HSD17B3: variants seen among roughly 807,000 people sequenced by gnomAD.
HSD17B3 encodes hydroxysteroid 17-beta dehydrogenase 3, also known as 17-beta-hydroxysteroid dehydrogenase type 3.
HSD17B3 carries 29 observed loss-of-function variants against 41.1 expected under a neutral mutation model. The ratio of observed to expected loss-of-function variants is 0.71; its 90% CI spans 0.53 to 0.96. The LOEUF (loss-of-function observed/expected upper bound fraction) is 0.96. Among genes scored for constraint, HSD17B3 ranks in the 40% least tolerant of loss-of-function variants. The pLI is 0.00. For synonymous variants in HSD17B3, 126 were observed against 145.6 expected (o/e 0.87, Z 0.97); for missense variants, 323 against 374.6 (o/e 0.86, Z 1.14).
chr9:96,244,182 C>G, intron 9 of HSD17B3, 147 bp downstream of exon 9: 1 of 839,690 alleles, frequency 1.2e-6, no homozygotes. Flanking sequence ...ATCCCCAGCT[C>G]ATCTTCCTGT....
intron 2 of HSD17B3, among the ~76,000 whole-genome samples, chr9:96,268,001 T>G (rs955998251): frequency 2.0e-5 from 3 of 152,182 alleles, no homozygotes; most frequent in African/African-American, 7.2e-5. Context: ...CTCAGCTCAC[T>G]GCAACCTCTG....
chr9:96,292,776 T>A (rs979480015), intron 2 of HSD17B3, among the ~76,000 whole-genome samples: 3 of 152,036 alleles, frequency 2.0e-5, no homozygotes, highest in Non-Finnish European at 4.4e-5. Context: ...AAAGAAAAAA[T>A]TTTGAAAGCC....
intron 2 of HSD17B3, among the ~76,000 whole-genome samples, chr9:96,272,063 CTT>C (rs1307839574): frequency 6.6e-6 from 1 of 151,850 alleles, no homozygotes; most frequent in African/African-American, 2.4e-5. Context: ...CTATTCCTCT[CTT>C]TGAGTTAAAA....
chr9:96,290,302 C>T (rs1235397406), intron 2 of HSD17B3, among the ~76,000 whole-genome samples: 1 of 151,838 alleles, frequency 6.6e-6, no homozygotes, highest in Non-Finnish European at 1.5e-5. Flanking sequence ...TCTGGAAGGG[C>T]GGAGGAGAAG....
chr9:96,298,394 A>T, intron 2 of HSD17B3, 22 bp downstream of exon 2: 1 of 1,603,244 alleles, frequency 6.2e-7, no homozygotes, highest in Non-Finnish European at 8.5e-7. Context: ...GGGAGGAGAA[A>T]GTCCCCAGGA....
chr9:96,258,597 GC>G (rs1316420787), intron 2 of HSD17B3, among the ~76,000 whole-genome samples: 1 of 152,124 alleles, frequency 6.6e-6, no homozygotes, highest in Non-Finnish European at 1.5e-5. Context: ...TGTTAAGGAA[GC>G]CCCTACCATT....
intron 7 of HSD17B3, among the ~76,000 whole-genome samples, 189 bp from the exon 8 acceptor site, chr9:96,245,615 G>T (rs1440651674): frequency 1.3e-5 from 2 of 152,164 alleles, no homozygotes; most frequent in Non-Finnish European, 2.9e-5. Context: ...GCGCCACACA[G>T]AGATGTCTGG....
rs541962354 is a variant in HSD17B3 at position 96,280,818 on chromosome 9, C to G, written c.201+17598G>C. On this transcript the variant is annotated intron_variant, in intron 2 of 10. Transcript: ENST00000375263. ...AGTAAAAAAGCCAGCTAAAACCCAC[C>G]AAAACCAATATGGCGAGGAGAGTGA... 2.6e-5 allele frequency among the ~76,000 whole-genome samples: 4 copies of G among 152,232 alleles called. No individual in the cohort carries two copies. The South Asian group carries it at 8.3e-4, about 32-fold the overall frequency.
At chr9:96,269,923 A>C in intron 2 of HSD17B3, among the ~76,000 whole-genome samples, 1 of 151,802 alleles carries the variant, frequency 6.6e-6, no homozygotes, top group Non-Finnish European at 1.5e-5. Context: ...AAAAAAAAAA[A>C]AAAAAAGCAG....
At chr9:96,248,283 T>TA (rs1836753806) in intron 6 of HSD17B3, among the ~76,000 whole-genome samples, 1 of 152,150 alleles carries the variant, frequency 6.6e-6, no homozygotes, top group Non-Finnish European at 1.5e-5. Flanking sequence ...CAAGAAACCA[T>TA]AAAATACCAG....
At chr9:96,244,532 G>T in intron 8 of HSD17B3, 138 bp from the exon 9 acceptor site, 1 of 792,758 alleles carries the variant, frequency 1.3e-6, no homozygotes. Flanking sequence ...GGGTACGGAG[G>T]GTACGGAGTT....
At chr9:96,252,318 G>A (rs186634803) in intron 4 of HSD17B3, among the ~76,000 whole-genome samples, 15 of 152,238 alleles carry the variant, frequency 9.9e-5, no homozygotes, top group African/African-American at 3.4e-4. Flanking sequence ...GCCGAGGCAG[G>A]TGGATCACGA....
At chr9:96,272,405 C>CTATATATA (rs1199705437) in intron 2 of HSD17B3, among the ~76,000 whole-genome samples, 15 of 21,532 alleles carry the variant, frequency 7.0e-4, no homozygotes, top group Non-Finnish European at 1.1e-3. Flanking sequence ...CTCTCTCTCT[C>CTATATATA]TATATATATA....
chr9:96,236,119 T>G (rs1836230090), intron 10 of HSD17B3, among the ~76,000 whole-genome samples: 1 of 151,726 alleles, frequency 6.6e-6, no homozygotes, highest in Non-Finnish European at 1.5e-5. Context: ...CTGGAAATTC[T>G]AAATGAAGAG....
In HSD17B3 at chr9:96,284,716, G is replaced by A. The variant is rs544140468; in HGVS notation, c.201+13700C>T. Among the ~76,000 whole-genome samples the A allele has an allele frequency of 2.0e-5, 3 of 152,224 alleles. No homozygotes were observed. In the South Asian group the frequency reaches 6.2e-4, roughly 32 times the overall value. Reference sequence around the variant, plus strand: ...GGTCCAGAAGCCCCAAGTTATCTTGGGACCCCCAAGAGGGGAGGAATTTAC... The same window carrying A: ...GGTCCAGAAGCCCCAAGTTATCTTGAGACCCCCAAGAGGGGAGGAATTTAC... On this transcript the variant is annotated intron_variant, in intron 2 of 10. Coordinates refer to ENST00000375263, the MANE Select transcript of HSD17B3 (RefSeq NM_000197.2).
chr9:96,252,775 C>G, intron 4 of HSD17B3, 28 bp downstream of exon 4: 1 of 1,168,776 alleles, frequency 8.6e-7, no homozygotes, highest in Non-Finnish European at 1.3e-6. Flanking sequence ...TGTATGACAA[C>G]AAGCTTTGCA....
At chr9:96,250,770 C>A (rs945061521) in intron 5 of HSD17B3, among the ~76,000 whole-genome samples, 2 of 151,888 alleles carry the variant, frequency 1.3e-5, no homozygotes, top group Admixed American at 6.6e-5. Flanking sequence ...CGCCTGCAGT[C>A]CCAGCTACTC....
chr9:96,275,416 G>A (rs932160936), intron 2 of HSD17B3, among the ~76,000 whole-genome samples: 13 of 151,880 alleles, frequency 8.6e-5, no homozygotes, highest in East Asian at 3.9e-4. Flanking sequence ...ACAGATACCC[G>A]GTATAAAAAG....
At chr9:96,255,035 T>G in intron 2 of HSD17B3, 92 bp from the exon 3 acceptor site, 13 of 1,010,872 alleles carry the variant, frequency 1.3e-5, no homozygotes, top group Non-Finnish European at 1.9e-5. Context: ...ACTGTGCACA[T>G]ACTGGCAGGG....
Sources: allele counts gnomAD v4.1 joint callset (sites outside exome capture counted in the v4.1 genomes callset), GRCh38; gene constraint gnomAD v4.1.1; transcripts MANE v1.5; gene names NCBI Gene and HGNC (gene_info 2026-07-23, HGNC 2026-07-21).